Variants in GATC observed in about 807,000 individuals in gnomAD.
The protein encoded by GATC is glutamyl-tRNA(Gln) amidotransferase subunit C, mitochondrial.
GATC carries 11 observed loss-of-function variants against 14.4 expected under a neutral mutation model. That is an observed-to-expected ratio of 0.77 (90% CI 0.48 to 1.27). The LOEUF (loss-of-function observed/expected upper bound fraction) is 1.27, where lower values mean the gene tolerates loss of function less well. GATC is among the 50% of genes most tolerant of loss of function. GATC has a pLI of 0.00. For synonymous variants in GATC, 76 were observed against 79.3 expected (o/e 0.96, Z 0.22); for missense variants, 204 against 183.0 (o/e 1.11, Z -0.66).
chr12:120,449,943 G>GTAGAGA (rs1028666836), intron 2 of GATC, among the ~76,000 whole-genome samples: 29 of 151,750 alleles, frequency 1.9e-4, no homozygotes, highest in Admixed American at 1.8e-3. Context: ...TGTATTTTTA[G>GTAGAGA]TAGAGACAGG....
chr12:120,457,602 CTTTTT>C (rs3999474), intron 3 of GATC, among the ~76,000 whole-genome samples: 4 of 103,584 alleles, frequency 3.9e-5, no homozygotes, highest in African/African-American at 7.9e-5. Flanking sequence ...TAAAAGAATC[CTTTTT>C]TTTTTTTTTT....
At chr12:120,446,940 A>C (rs1252755425) in intron 2 of GATC, 111 bp downstream of exon 2, 6 of 1,079,792 alleles carry the variant, frequency 5.6e-6, no homozygotes, top group Non-Finnish European at 7.8e-6. Flanking sequence ...AGCAAGATTC[A>C]GGAACTTGCC....
At position 120,459,931 on chromosome 12, in the gene GATC, A is replaced by T; in HGVS notation, c.383A>T (p.Asp128Val). 1.2e-6 allele frequency: 2 copies of T among 1,613,142 alleles called. No homozygotes were observed. The highest frequency in any genetic ancestry group is 1.7e-6 in the Non-Finnish European group (2 of 1,179,214). ...PPGNISLPKL[D>V]EQEPFPHS ...GGTAATATCTCTTTGCCAAAGCTGG[A>T]TGAACAAGAGCCATTCCCACACAGC... Residue 128 changes from aspartate (D) to valine (V), a missense_variant, in exon 4 of 4, where the codon GAT becomes GTT. Physicochemically the swap from Asp to Val is radical, Grantham distance 152 (BLOSUM62 -3). Transcript: ENST00000551765.
chr12:120,448,576 A>G (rs944918460), intron 2 of GATC, among the ~76,000 whole-genome samples: 3 of 142,990 alleles, frequency 2.1e-5, no homozygotes, highest in African/African-American at 5.3e-5. Flanking sequence ...TGATCCGCCC[A>G]TCTTCGCCTC....
intron 2 of GATC, among the ~76,000 whole-genome samples, chr12:120,451,372 C>T (rs930040914): frequency 2.8e-4 from 41 of 148,714 alleles, no homozygotes; most frequent in African/African-American, 9.7e-4. Context: ...TGAACCAGGA[C>T]GGCAGAGGTT....
At chr12:120,456,250 T>G (rs1450616907) in intron 2 of GATC, among the ~76,000 whole-genome samples, 1 of 152,172 alleles carries the variant, frequency 6.6e-6, no homozygotes, top group Non-Finnish European at 1.5e-5. Context: ...TCTTGTGTGT[T>G]TTTTACCGGT....
intron 2 of GATC, among the ~76,000 whole-genome samples, chr12:120,448,989 G>T (rs1877963301): frequency 6.8e-6 from 1 of 147,694 alleles, no homozygotes; most frequent in Admixed American, 6.8e-5. Flanking sequence ...TGAGACAAGA[G>T]TCTCGCTCTG....
Position 120,459,942 on chromosome 12 carries a change from C to A in GATC, c.394C>A (p.Pro132Thr), listed in dbSNP as rs564171123. The change falls in exon 4 of 4, where the codon CCA (proline) becomes ACA (threonine). Residue 132 changes from proline to threonine, a missense_variant. Coordinates refer to ENST00000551765, the MANE Select transcript of GATC (RefSeq NM_176818.3). ...TTTGCCAAAGCTGGATGAACAAGAG[C>A]CATTCCCACACAGCTGAGTAGCTCA... The part of the protein sequence containing the change: ...ISLPKLDEQE[P>T]FPHS 9.3e-6 allele frequency: 15 copies of A among 1,612,516 alleles called. No homozygotes were observed. The African/African-American group carries it at 2.0e-4, about 21-fold the overall frequency.
chr12:120,460,015 ATTTT>A lies in GATC; in HGVS notation c.*60_*63del. On this transcript the variant is annotated 3_prime_UTR_variant, in exon 4 of 4. Transcript: ENST00000551765. ...GAACATGTGGAAGCATAATGACAGTATTTTTTTACTGTGAATACTAATGTTCCTG... is the reference window on the plus strand; with the variant it reads ...GAACATGTGGAAGCATAATGACAGTATTTACTGTGAATACTAATGTTCCTG... 7.4e-7 allele frequency: 1 copy of A among 1,347,694 alleles called. No homozygotes were observed. Among genetic ancestry groups the A allele is most frequent in the South Asian group, 1.2e-5 (1 of 82,868 alleles). 83.5% of individuals were successfully genotyped at this position (1,347,694 alleles called of 1,614,324 possible).
intron 2 of GATC, among the ~76,000 whole-genome samples, chr12:120,455,648 G>C (rs1448462826): frequency 6.6e-6 from 1 of 152,022 alleles, no homozygotes; most frequent in Non-Finnish European, 1.5e-5. Flanking sequence ...CACAAAAAAA[G>C]AACTAGTCCT....
At chr12:120,459,845 ACT>A (rs1228712099) in intron 3 of GATC, 60 bp from the exon 4 acceptor site, 6 of 1,345,872 alleles carry the variant, frequency 4.5e-6, no homozygotes, top group Non-Finnish European at 4.2e-6. Context: ...CAACAGCGAG[ACT>A]CTGTCTCAAA....
chr12:120,455,468 C>G (rs1384624487), intron 2 of GATC, among the ~76,000 whole-genome samples: 1 of 151,890 alleles, frequency 6.6e-6, no homozygotes, highest in Non-Finnish European at 1.5e-5. Context: ...CACACCTGGC[C>G]TTTCTCCCCC....
At position 120,457,139 on chromosome 12, in the gene GATC, C is replaced by T. The variant is rs775611383; in HGVS notation, c.318C>T (p.Asn106=). ...ACTGTGCTGATGAATTACTACAAAACTCCCATCGCGTCGTGGAGGAGTACT... is the reference window on the plus strand; with the variant it reads ...ACTGTGCTGATGAATTACTACAAAATTCCCATCGCGTCGTGGAGGAGTACT... ...EGNCADELLQ[N]SHRVVEEYFV... is the part of the protein sequence containing the mutation. Residue 106 remains asparagine (N), a synonymous_variant, in exon 3 of 4, where the codon AAC becomes AAT. Transcript: ENST00000551765. 17 of 1,613,942 alleles carry T rather than the reference C, an allele frequency of 1.1e-5. No individual in the cohort carries two copies. The African/African-American group carries it at 1.2e-4, about 11-fold the overall frequency.
At position 120,446,495 on chromosome 12, in the gene GATC, G is replaced by A. The variant is rs377312589; in HGVS notation, c.15G>A (p.Leu5=). The change falls in exon 1 of 4, where the codon TTG becomes TTA. Residue 5 remains leucine, a synonymous_variant. Coordinates refer to ENST00000551765, the MANE Select transcript of GATC (RefSeq NM_176818.3). ...GGAAGGAAGAAATGTGGTCGCGGTT[G>A]GTGTGGCTGGGCCTTCGGGCCCCTC... MWSR[L]VWLGLRAPLG... The A allele has an allele frequency of 1.7e-5, 27 of 1,607,242 alleles. No homozygotes were observed. Among genetic ancestry groups the A allele is most frequent in the Middle Eastern group, 3.3e-4 (2 of 6,062 alleles).
chr12:120,446,449 C>T lies in GATC; in HGVS notation c.-32C>T. The T allele has an allele frequency of 6.2e-7, 1 of 1,603,806 alleles. No homozygotes were observed. Among genetic ancestry groups the T allele is most frequent in the African/African-American group, 1.3e-5 (1 of 74,888 alleles). ...CAGGCGCGTCGCTCGGCGTTACGCG[C>T]GGGCGCACTGCGGGGGCCAAGGAAG... On this transcript the variant is annotated 5_prime_UTR_variant, in exon 1 of 4. Coordinates refer to ENST00000551765, the MANE Select transcript of GATC (RefSeq NM_176818.3).
At chr12:120,447,857 G>C (rs1877920118) in intron 2 of GATC, among the ~76,000 whole-genome samples, 1 of 152,108 alleles carries the variant, frequency 6.6e-6, no homozygotes, top group Non-Finnish European at 1.5e-5. Flanking sequence ...CCAGACTCAA[G>C]AGAGCCTCCC....
chr12:120,446,857 C>CT, intron 2 of GATC, 28 bp downstream of exon 2: 1 of 1,570,298 alleles, frequency 6.4e-7, no homozygotes, highest in South Asian at 1.2e-5. Flanking sequence ...GCCCCGAAGC[C>CT]TTGACCGTGG....
In GATC at chr12:120,460,549, G is replaced by A. The variant is rs1878305215; in HGVS notation, c.*590G>A. On this transcript the variant is annotated 3_prime_UTR_variant, in exon 4 of 4. Transcript: ENST00000551765. Reference sequence around the variant, plus strand: ...CCCACAAAGTGATTATATGCCAAAGGGATACTAGTCATACCTAGTGTTTCT... The same window carrying A: ...CCCACAAAGTGATTATATGCCAAAGAGATACTAGTCATACCTAGTGTTTCT... 6.6e-6 allele frequency: 1 copy of A among 152,012 alleles called. No homozygotes were observed. The highest frequency in any genetic ancestry group is 6.6e-5 in the Admixed American group (1 of 15,246). The allele number at this position is 152,012 out of a possible 1,614,324, so 9.4% of individuals were successfully genotyped here. A position where few individuals can be genotyped will look rare whatever the true frequency, so the allele number is the denominator to read the frequency against.
intron 2 of GATC, among the ~76,000 whole-genome samples, chr12:120,454,737 T>C (rs1878134793): frequency 6.6e-6 from 1 of 151,810 alleles, no homozygotes; most frequent in Non-Finnish European, 1.5e-5. Context: ...TTTAATACTG[T>C]CCAACAGAAA....
Sources: gnomAD v4.1 joint callset for allele counts (sites outside exome capture counted in the v4.1 genomes callset) on GRCh38, gnomAD v4.1.1 for gene constraint, MANE v1.5 for transcripts, NCBI Gene and HGNC (gene_info 2026-07-23, HGNC 2026-07-21) for gene names.